Variants in MED16 observed in about 807,000 individuals in gnomAD.
MED16 encodes the protein mediator complex subunit 16, also known as mediator of RNA polymerase II transcription subunit 16.
In MED16, 81 loss-of-function variants were observed where a neutral mutation model predicts 84.4. The observed-to-expected ratio is 0.96, with a 90% CI of 0.80 to 1.15. The LOEUF is 1.15. MED16 is among the 50% of genes most tolerant of loss of function. The pLI, the probability that MED16 is intolerant of heterozygous loss-of-function variation, is 0.00. For synonymous variants in MED16, 897 were observed against 552.2 expected (o/e 1.62, Z -8.76); for missense variants, 1,585 against 1,245.9 (o/e 1.27, Z -4.10).
Position 871,198 on chromosome 19 carries a change from G to T in MED16, c.2154C>A (p.Cys718Ter). 1 of 1,550,566 alleles carries T rather than the reference G, an allele frequency of 6.4e-7. No homozygotes were observed. The change falls in exon 13 of 16, where the codon TGC (cysteine) becomes TGA (stop). Residue 718 changes from cysteine (C) to a stop codon, truncating the protein, a stop_gained. Coordinates refer to ENST00000325464, the MANE Select transcript of MED16 (RefSeq NM_005481.3). LOFTEE classifies it high-confidence loss of function. ...GGATAAGCAGCTGGCTGGGCAGCAG[G>T]CAGCATTCATCCACCAGCGCCTCGT... ...EPDEALVDEC[C>*]LLPSQLLIPS...
At chr19:880,261 C>T in intron 7 of MED16, 113 bp from the exon 8 acceptor site, 1 of 933,130 alleles carries the variant, frequency 1.1e-6, no homozygotes, top group African/African-American at 1.7e-5. Context: ...TCCAGGGGGT[C>T]AGCCCCCGCC....
At chr19:881,767 A>G in intron 6 of MED16, 53 bp from the exon 7 acceptor site, 1 of 1,576,222 alleles carries the variant, frequency 6.3e-7, no homozygotes, top group Non-Finnish European at 8.6e-7. Flanking sequence ...AGACAGGCTG[A>G]GACAGCCGCA....
At chr19:876,305 C>T (rs1413267508) in intron 9 of MED16, among the ~76,000 whole-genome samples, 1 of 152,130 alleles carries the variant, frequency 6.6e-6, no homozygotes, top group Non-Finnish European at 1.5e-5. Flanking sequence ...CTGCAAGGGA[C>T]CCTTCTGGCA....
intron 6 of MED16, among the ~76,000 whole-genome samples, chr19:883,314 C>A (rs895160340): frequency 7.0e-5 from 10 of 143,568 alleles, no homozygotes; most frequent in African/African-American, 2.7e-4. Context: ...GCACGTGGGG[C>A]GGTGGGTGAA....
At chr19:880,265 C>T in intron 7 of MED16, 117 bp from the exon 8 acceptor site, 2 of 922,370 alleles carry the variant, frequency 2.2e-6, no homozygotes, top group Non-Finnish European at 3.1e-6. Flanking sequence ...GGGGGTCAGC[C>T]CCCGCCAATC....
intron 9 of MED16, 103 bp downstream of exon 9, chr19:876,871 G>A (rs2036246331): frequency 8.4e-7 from 1 of 1,189,496 alleles, no homozygotes; most frequent in Non-Finnish European, 1.1e-6. Flanking sequence ...GGGACCACCT[G>A]CCACGGGGCC....
intron 6 of MED16, among the ~76,000 whole-genome samples, chr19:883,264 A>AGAGATGGGGG (rs1568329990): frequency 7.9e-5 from 11 of 139,250 alleles, no homozygotes; most frequent in African/African-American, 2.8e-4. Context: ...GCGGTGCGTG[A>AGAGATGGGGG]AGAGCTGGGC....
At chr19:880,406 G>T (rs148550951) in intron 7 of MED16, among the ~76,000 whole-genome samples, 67 of 152,366 alleles carry the variant, frequency 4.4e-4, no homozygotes, top group African/African-American at 1.6e-3. Context: ...CTGGGCCCAT[G>T]TCCTGGCTGA....
At chr19:868,299 G>C (rs546327323) in intron 15 of MED16, 48 bp from the exon 16 acceptor site, 1 of 1,587,664 alleles carries the variant, frequency 6.3e-7, no homozygotes, top group East Asian at 2.3e-5. Flanking sequence ...TCCAGGGCGA[G>C]CGGTGGCTCT....
At chr19:891,224 G>A (rs767133658) in intron 1 of MED16, 75 bp from the exon 2 acceptor site, 6 of 1,433,114 alleles carry the variant, frequency 4.2e-6, no homozygotes, top group African/African-American at 2.8e-5. Flanking sequence ...GGCCAGAAGT[G>A]GGAAAACAAT....
In MED16 at chr19:886,376, G is replaced by A. The variant is rs186249563; in HGVS notation, c.448-175C>T. ...GGGATGTGATCCCCTCTGACCCTCC[G>A]TCTCCTCATCTGTAAGGTGGAAGGA... is the stretch of plus-strand genomic sequence containing the variant. On this transcript the variant is annotated intron_variant, in intron 4 of 15. Transcript: ENST00000325464. 2.3e-3 allele frequency among the ~76,000 whole-genome samples: 344 copies of A among 152,308 alleles called. 1 individual carries two copies. The Middle Eastern group carries it at 0.037, about 17-fold the overall frequency.
chr19:868,202 C>T lies in MED16; in HGVS notation c.2533G>A (p.Glu845Lys). 1 of 1,605,910 alleles carries T rather than the reference C, an allele frequency of 6.2e-7. No individual in the cohort carries two copies. Among genetic ancestry groups the T allele is most frequent in the East Asian group, 2.2e-5 (1 of 44,574 alleles). Reference protein sequence around the residue: ...PDACVTSRASEEAPAFVQLGP... With the variant: ...PDACVTSRASKEAPAFVQLGP... ...AGCTGGACAAAGGCAGGGGCTTCCT[C>T]AGAAGCTCTGCTGGTCACGCAGGCG... is the stretch of plus-strand genomic sequence containing the variant. The change falls in exon 16 of 16, where the codon GAG (glutamate) becomes AAG (lysine). Residue 845 changes from glutamate to lysine, a missense_variant. Transcript: ENST00000325464.
intron 1 of MED16, among the ~76,000 whole-genome samples, chr19:892,150 G>C (rs1002485324): frequency 6.6e-6 from 1 of 152,042 alleles, no homozygotes; most frequent in Non-Finnish European, 1.5e-5. Context: ...GTTTCGCTTC[G>C]CAAAGGCAAA....
At position 889,835 on chromosome 19, in the gene MED16, C is replaced by A. The variant is rs761571390; in HGVS notation, c.278-28G>T. The A allele has an allele frequency of 5.6e-5, 90 of 1,593,564 alleles. 1 individual carries two copies. In the East Asian group the frequency reaches 2.0e-3, roughly 35 times the overall value. Reference sequence around the variant, plus strand: ...GAGGGCAAGAAGCCATCATTGCGAACCTTCCAGGGATGGGCAGAGCACTGC... The same window carrying A: ...GAGGGCAAGAAGCCATCATTGCGAAACTTCCAGGGATGGGCAGAGCACTGC... On this transcript the variant is annotated intron_variant, in intron 3 of 15. Transcript: ENST00000325464.
In MED16 at chr19:872,206, C is replaced by A. The variant is rs1001559534; in HGVS notation, c.1906-88G>T. On this transcript the variant is annotated intron_variant, in intron 11 of 15. Coordinates refer to ENST00000325464, the MANE Select transcript of MED16 (RefSeq NM_005481.3). ...GTCTTGGGGTCGGTGGAACCCCGAC[C>A]GGGGGGCAATGGGCAGGGTCTGGGA... 5.2e-6 allele frequency: 6 copies of A among 1,163,924 alleles called. No homozygotes were observed. In the East Asian group the frequency reaches 1.3e-4, roughly 25 times the overall value. 72.1% of individuals were successfully genotyped at this position (1,163,924 alleles called of 1,614,324 possible). A position where few individuals can be genotyped will look rare whatever the true frequency, so the allele number is the denominator to read the frequency against.
In MED16 at chr19:872,253, G is replaced by C; in HGVS notation, c.1906-135C>G. ...GGGACATTTGTGGTGGTCAGGACTG[G>C]GGTGCTTCTGGCACCGAGTGGGTGG... On this transcript the variant is annotated intron_variant, in intron 11 of 15. Transcript: ENST00000325464. 3 of 710,928 alleles carry C rather than the reference G, an allele frequency of 4.2e-6. 1 individual carries two copies. The highest frequency in any genetic ancestry group is 3.9e-5 in the South Asian group (2 of 51,748). The allele number at this position is 710,928 out of a possible 1,614,324, so 44.0% of individuals were successfully genotyped here.
At chr19:875,147 G>A in intron 10 of MED16, 97 bp downstream of exon 10, 2 of 848,710 alleles carry the variant, frequency 2.4e-6, no homozygotes, top group Non-Finnish European at 3.4e-6. Context: ...CTGGGCAACA[G>A]AGTAAGACCC....
At chr19:873,631 G>A (rs1274495047) in intron 10 of MED16, 49 bp from the exon 11 acceptor site, 2 of 1,603,444 alleles carry the variant, frequency 1.2e-6, no homozygotes, top group East Asian at 2.2e-5. Context: ...GTACACACAG[G>A]GTGACCTAAC....
At chr19:889,613 C>G in intron 4 of MED16, 25 bp downstream of exon 4, 2 of 1,591,740 alleles carry the variant, frequency 1.3e-6, no homozygotes, top group Non-Finnish European at 1.7e-6. Context: ...TCTGCCTCAT[C>G]CGCTCACTCG....
Sources: gnomAD v4.1 joint callset for allele counts (sites outside exome capture counted in the v4.1 genomes callset) on GRCh38, gnomAD v4.1.1 for gene constraint, MANE v1.5 for transcripts, NCBI Gene and HGNC (gene_info 2026-07-23, HGNC 2026-07-21) for gene names.